UBE2L6: variants seen among roughly 807,000 people sequenced by gnomAD.
UBE2L6 encodes the protein ubiquitin conjugating enzyme E2 L6, also known as ubiquitin/ISG15-conjugating enzyme E2 L6.
Under a neutral mutation model 13.6 loss-of-function variants are expected in UBE2L6, and 11 were observed. That is an observed-to-expected ratio of 0.81 (90% CI 0.51 to 1.34). The LOEUF is 1.34. Among genes scored for constraint, UBE2L6 ranks in the 40% most tolerant of loss-of-function variants. UBE2L6 has a pLI of 0.00. For synonymous variants in UBE2L6, 74 were observed against 83.2 expected (o/e 0.89, Z 0.60); for missense variants, 197 against 199.5 (o/e 0.99, Z 0.07).
chr11:57,552,371 T>A lies in UBE2L6; in HGVS notation c.449A>T (p.Asp150Val), dbSNP rs773016530. The change falls in exon 4 of 4, where the codon GAC (aspartate) becomes GTC (valine). Residue 150 changes from aspartate (D) to valine (V), a missense_variant. Asp to Val is a radical substitution (Grantham distance 152). Coordinates refer to ENST00000287156, the MANE Select transcript of UBE2L6 (RefSeq NM_004223.5). ...TCAGAACATGAGTTAGGAGGGCCGGTCCACTCCGAATCGGAGGGTGAACTC... is the reference window on the plus strand; with the variant it reads ...TCAGAACATGAGTTAGGAGGGCCGGACCACTCCGAATCGGAGGGTGAACTC... ...AEEFTLRFGV[D>V]RPS 6.2e-7 allele frequency: 1 copy of A among 1,614,198 alleles called. No homozygotes were observed. The highest frequency in any genetic ancestry group is 8.5e-7 in the Non-Finnish European group (1 of 1,180,034).
chr11:57,552,653 C>T (rs1457638396), intron 3 of UBE2L6, 144 bp from the exon 4 acceptor site: 22 of 1,063,016 alleles, frequency 2.1e-5, no homozygotes, highest in Non-Finnish European at 2.9e-5. Context: ...AGATCAAACG[C>T]CCCGCTCATT....
chr11:57,556,711 G>A (rs1412763550), intron 2 of UBE2L6, among the ~76,000 whole-genome samples: 4 of 151,948 alleles, frequency 2.6e-5, no homozygotes, highest in Non-Finnish European at 5.9e-5. Flanking sequence ...AGTCAGAGAA[G>A]GCCAACAGCT....
At chr11:57,567,054 G>C (rs920189427) in intron 1 of UBE2L6, 2 of 450,360 alleles carry the variant, frequency 4.4e-6, no homozygotes, top group African/African-American at 2.1e-5. Context: ...GTCCACCTCC[G>C]CATCTTTTCC....
Position 57,552,502 on chromosome 11 carries a change from CT to C in UBE2L6, c.317del (p.Glu106GlyfsTer7). 6.2e-7 allele frequency: 1 copy of C among 1,614,180 alleles called. No homozygotes were observed. Among genetic ancestry groups the C allele is most frequent in the Non-Finnish European group, 8.5e-7 (1 of 1,180,030 alleles). Reference protein sequence around the residue: ...KPCTKTCQVLEALNVLVNRPN... With the variant: ...KPCTKTCQVLXALNVLVNRPN... ...GTCTATTCACCAGCACATTGAGGGC[CT>C]CCAGGACTGGGGAGAGACAGGCCAG... On this transcript the variant is annotated frameshift_variant, in exon 4 of 4. Transcript: ENST00000287156. LOFTEE classifies it low-confidence loss of function (END_TRUNC).
intron 2 of UBE2L6, among the ~76,000 whole-genome samples, chr11:57,557,029 T>C (rs1392263381): frequency 4.0e-5 from 6 of 149,754 alleles, no homozygotes; most frequent in African/African-American, 1.5e-4. Context: ...GAGGTTGCAG[T>C]GAGTCTTGCT....
At chr11:57,554,874 A>C (rs918943901) in intron 2 of UBE2L6, among the ~76,000 whole-genome samples, 2 of 151,488 alleles carry the variant, frequency 1.3e-5, no homozygotes, top group African/African-American at 4.9e-5. Context: ...GCCACTTCCC[A>C]CCTCTAGGCC....
rs768057971 is a variant in UBE2L6, at chr11:57,554,499, C to A, written c.248G>T (p.Gly83Val). The A allele has an allele frequency of 2.5e-6, 4 of 1,614,182 alleles. No individual in the cohort carries two copies. Among genetic ancestry groups the A allele is most frequent in the Non-Finnish European group, 2.5e-6 (3 of 1,180,026 alleles). Reference protein sequence around the residue: ...KIYHPNVDENGQICLPIISSE... With the variant: ...KIYHPNVDENVQICLPIISSE... ...GCTGATGATGGGCAGGCAAATCTGTCCGTTCTCGTCCACGTTGGGGTGGTA... is the reference window on the plus strand; with the variant it reads ...GCTGATGATGGGCAGGCAAATCTGTACGTTCTCGTCCACGTTGGGGTGGTA... The change falls in exon 3 of 4, where the codon GGA (glycine) becomes GTA (valine). Residue 83 changes from glycine to valine, a missense_variant. Gly to Val is a moderately radical substitution (Grantham distance 109). Transcript: ENST00000287156.
intron 2 of UBE2L6, among the ~76,000 whole-genome samples, chr11:57,560,062 T>G (rs1164761914): frequency 2.6e-5 from 4 of 152,202 alleles, no homozygotes; most frequent in Non-Finnish European, 4.4e-5. Context: ...GCTGTTTGTC[T>G]CCTGAAGTTC....
At chr11:57,565,640 C>G (rs1945085151) in intron 1 of UBE2L6, among the ~76,000 whole-genome samples, 1 of 152,142 alleles carries the variant, frequency 6.6e-6, no homozygotes, top group Non-Finnish European at 1.5e-5. Context: ...GCTGATATTA[C>G]AGGAGTGGGA....
intron 2 of UBE2L6, among the ~76,000 whole-genome samples, 182 bp downstream of exon 2, chr11:57,560,154 GA>G (rs1412629917): frequency 6.6e-6 from 1 of 152,202 alleles, no homozygotes; most frequent in Non-Finnish European, 1.5e-5. Flanking sequence ...ATCAGAAGGT[GA>G]ACCTCAGAAG....
intron 1 of UBE2L6, 37 bp downstream of exon 1, chr11:57,567,548 G>C: frequency 6.2e-7 from 1 of 1,602,404 alleles, no homozygotes; most frequent in Non-Finnish European, 8.5e-7. Flanking sequence ...GGAGGCGAGG[G>C]GAGCCAAGAG....
intron 1 of UBE2L6, among the ~76,000 whole-genome samples, chr11:57,564,601 G>A (rs567803483): frequency 3.4e-4 from 52 of 152,266 alleles, no homozygotes; most frequent in Non-Finnish European, 6.5e-4. Context: ...TCAGGAGTTC[G>A]AGACCAGCCT....
At chr11:57,565,370 T>G (rs934101462) in intron 1 of UBE2L6, among the ~76,000 whole-genome samples, 4 of 143,400 alleles carry the variant, frequency 2.8e-5, no homozygotes, top group African/African-American at 7.6e-5. Flanking sequence ...TTTTTTTTTT[T>G]TTTTTTTTTT....
chr11:57,563,315 C>A (rs1187874495), intron 1 of UBE2L6, among the ~76,000 whole-genome samples: 2 of 151,176 alleles, frequency 1.3e-5, no homozygotes, highest in East Asian at 2.0e-4. Context: ...CGTGGTGAGG[C>A]CCTGTTTCTA....
chr11:57,563,674 G>A (rs1391278190), intron 1 of UBE2L6, among the ~76,000 whole-genome samples: 2 of 150,606 alleles, frequency 1.3e-5, no homozygotes, highest in Admixed American at 6.7e-5. Flanking sequence ...GGTGGATCAC[G>A]AGATCAGGAG....
intron 1 of UBE2L6, among the ~76,000 whole-genome samples, chr11:57,563,448 T>C (rs1945062076): frequency 7.1e-6 from 1 of 140,408 alleles, no homozygotes; most frequent in South Asian, 2.2e-4. Context: ...GCCATTGCAC[T>C]CCAGCCTGGG....
intron 2 of UBE2L6, among the ~76,000 whole-genome samples, chr11:57,557,343 T>C (rs1035857328): frequency 6.6e-6 from 1 of 151,638 alleles, no homozygotes; most frequent in African/African-American, 2.4e-5. Context: ...CCTTCCACCA[T>C]GAGTGGAAGC....
At chr11:57,567,094 A>T in intron 1 of UBE2L6, 1 of 456,744 alleles carries the variant, frequency 2.2e-6, no homozygotes, top group South Asian at 1.5e-5. Context: ...ACTTTGTCCC[A>T]AATTCTAATC....
At chr11:57,552,837 T>G (rs116669796) in intron 3 of UBE2L6, among the ~76,000 whole-genome samples, 1 of 152,164 alleles carries the variant, frequency 6.6e-6, no homozygotes, top group African/African-American at 2.4e-5. Context: ...ATATTGGTAG[T>G]CCAAATAAAC....
Sources: gnomAD v4.1 joint callset for allele counts (sites outside exome capture counted in the v4.1 genomes callset) on GRCh38, gnomAD v4.1.1 for gene constraint, MANE v1.5 for transcripts, NCBI Gene and HGNC (gene_info 2026-07-23, HGNC 2026-07-21) for gene names.